Variants in CFTR observed in about 807,000 individuals in gnomAD.
The protein encoded by CFTR is CF transmembrane conductance regulator.
A neutral mutation model predicts 171.6 loss-of-function variants in CFTR; 181 were observed. The observed-to-expected ratio is 1.05, with a 90% confidence interval of 0.93 to 1.19. The LOEUF (loss-of-function observed/expected upper bound fraction) is 1.19, where lower values mean the gene tolerates loss of function less well. CFTR is among the 50% of genes most tolerant of loss of function. CFTR has a pLI of 0.00. For synonymous variants in CFTR, 583 were observed against 608.0 expected (o/e 0.96, Z 0.60); for missense variants, 1,968 against 1,734.7 (o/e 1.13, Z -2.39).
intron 24 of CFTR, 82 bp downstream of exon 24, chr7:117,653,013 C>T: frequency 1.1e-6 from 1 of 874,082 alleles, no homozygotes; most frequent in Admixed American, 1.7e-5. Context: ...TCATTCTACA[C>T]ACTTTGTGTG....
At chr7:117,597,349 G>A (rs1052636882) in intron 15 of CFTR, among the ~76,000 whole-genome samples, 4 of 152,164 alleles carry the variant, frequency 2.6e-5, no homozygotes, top group Non-Finnish European at 1.5e-5. Context: ...CTTCATTCTC[G>A]AAGTCAGTGA....
At chr7:117,649,056 G>A (rs568176661) in intron 23 of CFTR, among the ~76,000 whole-genome samples, 5 of 151,638 alleles carry the variant, frequency 3.3e-5, no homozygotes, top group Non-Finnish European at 7.4e-5. Context: ...TCATAATGTT[G>A]AATATATGTG....
chr7:117,594,847 A>AT, intron 14 of CFTR, 83 bp from the exon 15 acceptor site: 1 of 1,244,454 alleles, frequency 8.0e-7, no homozygotes, highest in Non-Finnish European at 1.2e-6. Context: ...CTATTCTTTT[A>AT]TTTTCATATA....
At chr7:117,597,621 C>T (rs1404525943) in intron 15 of CFTR, among the ~76,000 whole-genome samples, 1 of 152,130 alleles carries the variant, frequency 6.6e-6, no homozygotes, top group East Asian at 1.9e-4. Flanking sequence ...ATTAAATATG[C>T]AGGCAATTAC....
intron 21 of CFTR, among the ~76,000 whole-genome samples, chr7:117,624,640 C>A (rs1792625480): frequency 6.6e-6 from 1 of 152,136 alleles, no homozygotes; most frequent in South Asian, 2.1e-4. Flanking sequence ...CAAGGCAGAA[C>A]TTTTCTTAGA....
At chr7:117,563,738 A>C (rs1420082041) in intron 11 of CFTR, among the ~76,000 whole-genome samples, 2 of 152,182 alleles carry the variant, frequency 1.3e-5, no homozygotes, top group East Asian at 3.8e-4. Flanking sequence ...TGTTGACAAT[A>C]AGTTCCATTT....
chr7:117,658,383 T>A (rs932638017), intron 24 of CFTR, among the ~76,000 whole-genome samples: 1 of 152,190 alleles, frequency 6.6e-6, no homozygotes, highest in African/African-American at 2.4e-5. Flanking sequence ...CATGTTTTTT[T>A]AATCTGGACT....
intron 12 of CFTR, among the ~76,000 whole-genome samples, chr7:117,588,296 C>T (rs553381005): frequency 6.6e-6 from 1 of 152,074 alleles, no homozygotes; most frequent in South Asian, 2.1e-4. Flanking sequence ...GGCTTAAAAT[C>T]TATAATATTT....
chr7:117,603,876 A>C, intron 17 of CFTR, 94 bp downstream of exon 17: 1 of 1,379,088 alleles, frequency 7.3e-7, no homozygotes, highest in Admixed American at 1.7e-5. Context: ...TGGCTTTTGC[A>C]CAGAGGCATG....
intron 24 of CFTR, among the ~76,000 whole-genome samples, chr7:117,662,594 C>T (rs539086488): frequency 6.2e-4 from 95 of 152,172 alleles, no homozygotes; most frequent in Non-Finnish European, 1.2e-3. Flanking sequence ...AGATTTTATT[C>T]CACCAGGAGG....
chr7:117,635,679 T>A (rs1792815890), intron 22 of CFTR, among the ~76,000 whole-genome samples: 1 of 152,048 alleles, frequency 6.6e-6, no homozygotes, highest in Non-Finnish European at 1.5e-5. Context: ...CTAATCTAAG[T>A]CCATTTTCAA....
intron 20 of CFTR, among the ~76,000 whole-genome samples, chr7:117,612,019 ATATG>A (rs201255908): frequency 2.2e-5 from 1 of 44,974 alleles, no homozygotes; most frequent in Non-Finnish European, 3.9e-5. Flanking sequence ...ATATATATAT[ATATG>A]TATATATATA....
At chr7:117,521,138 G>C (rs761321763) in intron 3 of CFTR, among the ~76,000 whole-genome samples, 1 of 151,826 alleles carries the variant, frequency 6.6e-6, no homozygotes, top group Non-Finnish European at 1.5e-5. Context: ...CATTTAATTA[G>C]ATGTCATTTT....
At chr7:117,520,060 T>G (rs1798662278) in intron 3 of CFTR, among the ~76,000 whole-genome samples, 1 of 151,994 alleles carries the variant, frequency 6.6e-6, no homozygotes. Flanking sequence ...GAGCATATTA[T>G]TATTTTCATT....
In CFTR at chr7:117,534,366, G is replaced by T. The variant is rs77188391; in HGVS notation, c.579+1G>T. ...CAACAACCTGAACAAATTTGATGAAGTATGTACCTATTGATTTAATCTTTT... is the reference window on the plus strand; with the variant it reads ...CAACAACCTGAACAAATTTGATGAATTATGTACCTATTGATTTAATCTTTT... On this transcript the variant is annotated splice_donor_variant, in intron 5 of 26. Transcript: ENST00000003084. LOFTEE classifies it high-confidence loss of function. 3.8e-5 allele frequency: 56 copies of T among 1,482,946 alleles called. 1 individual carries two copies. Among genetic ancestry groups the T allele is most frequent in the Admixed American group, 1.7e-4 (10 of 59,782 alleles). The allele number at this position is 1,482,946 out of a possible 1,614,324, so 91.9% of individuals were successfully genotyped here.
chr7:117,480,104 T>C lies in CFTR; in HGVS notation c.10T>C (p.Ser4Pro), dbSNP rs775329266. 1 of 1,613,306 alleles carries C rather than the reference T, an allele frequency of 6.2e-7. No homozygotes were observed. The highest frequency in any genetic ancestry group is 1.3e-5 in the African/African-American group (1 of 74,736). ...CAGCGCCCGAGAGACCATGCAGAGGTCGCCTCTGGAAAAGGCCAGCGTTGT... is the reference window on the plus strand; with the variant it reads ...CAGCGCCCGAGAGACCATGCAGAGGCCGCCTCTGGAAAAGGCCAGCGTTGT... The part of the protein sequence containing the change: MQR[S>P]PLEKASVVSK... The change falls in exon 1 of 27, where the codon TCG becomes CCG. Residue 4 changes from serine to proline, a missense_variant. Ser to Pro is a moderately conservative substitution (Grantham distance 74, BLOSUM62 -1). Coordinates refer to ENST00000003084, the MANE Select transcript of CFTR (RefSeq NM_000492.4).
chr7:117,536,672 C>T lies in CFTR; in HGVS notation c.868C>T (p.Gln290Ter), dbSNP rs397508808. The T allele has an allele frequency of 1.2e-6, 2 of 1,609,352 alleles. No homozygotes were observed. Among genetic ancestry groups the T allele is most frequent in the East Asian group, 2.2e-5 (1 of 44,718 alleles). The change falls in exon 7 of 27, where the codon CAA becomes TAA. Residue 290 changes from glutamine (Q) to a stop codon, truncating the protein, a stop_gained and splice_region_variant. Transcript: ENST00000003084. LOFTEE classifies it high-confidence loss of function. ...AMEKMIENLR[Q>*]TELKLTRKAA... ...GGAAAAAATGATTGAAAACTTAAGA[C>T]AGTAAGTTGTTCCAATAATTTCAAT...
At chr7:117,562,393 A>C (rs1419214704) in intron 11 of CFTR, among the ~76,000 whole-genome samples, 1 of 152,162 alleles carries the variant, frequency 6.6e-6, no homozygotes, top group Non-Finnish European at 1.5e-5. Context: ...GGTATAAAAG[A>C]TAATTATAAA....
intron 26 of CFTR, among the ~76,000 whole-genome samples, chr7:117,666,023 C>T (rs982983727): frequency 2.0e-5 from 3 of 152,090 alleles, no homozygotes; most frequent in African/African-American, 7.2e-5. Flanking sequence ...GATTTGGGTT[C>T]AGGTAGTACC....
Sources: allele counts gnomAD v4.1 joint callset (sites outside exome capture counted in the v4.1 genomes callset), GRCh38; gene constraint gnomAD v4.1.1; transcripts MANE v1.5; gene names NCBI Gene and HGNC (gene_info 2026-07-23, HGNC 2026-07-21).